The following VPS13B variants were observed in gnomAD, a reference collection of about 807,000 sequenced individuals.
VPS13B encodes the protein vacuolar protein sorting 13 homolog B, also known as intermembrane lipid transfer protein VPS13B.
A neutral mutation model predicts 426.4 loss-of-function variants in VPS13B; 285 were observed. The observed-to-expected ratio is 0.67, with a 90% CI of 0.61 to 0.74. The LOEUF (loss-of-function observed/expected upper bound fraction) is 0.74, where lower values mean the gene tolerates loss of function less well. Among genes scored for constraint, VPS13B ranks in the 30% least tolerant of loss-of-function variants. The pLI, the probability that VPS13B is intolerant of heterozygous loss-of-function variation, is 0.00. For missense variants in VPS13B, 4,537 were observed against 4,782.6 expected, an observed-to-expected ratio of 0.95 and a Z score of 1.51; for synonymous variants, 1,676 against 1,676.4, an observed-to-expected ratio of 1.00 and a Z score of 0.01.
intron 5 of VPS13B, among the ~76,000 whole-genome samples, chr8:99,110,160 TATAAA>T (rs1231046377): frequency 6.6e-6 from 1 of 152,110 alleles, no homozygotes; most frequent in Non-Finnish European, 1.5e-5. Flanking sequence ...TTTAAAAACT[TATAAA>T]ATAAAATGTT....
At chr8:99,026,933 G>A (rs1842171101) in intron 2 of VPS13B, among the ~76,000 whole-genome samples, 1 of 152,034 alleles carries the variant, frequency 6.6e-6, no homozygotes, top group Admixed American at 6.6e-5. Context: ...CTGGAGTGCA[G>A]CGGTGCAATC....
rs1817682547 is a variant in VPS13B at position 99,875,993 on chromosome 8, C to CAATG, written c.*329_*332dup. 2.8e-6 allele frequency: 1 copy of CAATG among 362,634 alleles called. No individual in the cohort carries two copies. The highest frequency in any genetic ancestry group is 4.2e-5 in the Admixed American group (1 of 23,560). 22.5% of individuals were successfully genotyped at this position (362,634 alleles called of 1,614,324 possible). A position where few individuals can be genotyped will look rare whatever the true frequency, so the allele number is the denominator to read the frequency against. On this transcript the variant is annotated 3_prime_UTR_variant, in exon 62 of 62. Coordinates refer to ENST00000357162, the MANE Select transcript of VPS13B (RefSeq NM_152564.5). ...AACGTGTTCCTTCCCCACTTAGAGACAATGATTAACAGGGCCCTATATGTT... is the reference window on the plus strand; with the variant it reads ...AACGTGTTCCTTCCCCACTTAGAGACAATGAATGATTAACAGGGCCCTATATGTT...
At chr8:99,299,225 C>T (rs1401808303) in intron 19 of VPS13B, among the ~76,000 whole-genome samples, 2 of 151,760 alleles carry the variant, frequency 1.3e-5, no homozygotes, top group Non-Finnish European at 2.9e-5. Context: ...CTACACCCGG[C>T]TAATTTTTTG....
At chr8:99,861,269 G>A (rs151112764) in intron 57 of VPS13B, among the ~76,000 whole-genome samples, 81 of 152,266 alleles carry the variant, frequency 5.3e-4, no homozygotes, top group Admixed American at 2.1e-3. Flanking sequence ...GTGGGCAAGT[G>A]TTCCTCTTTA....
chr8:99,809,692 CAAT>C (rs544692480), intron 44 of VPS13B, among the ~76,000 whole-genome samples, 162 bp downstream of exon 44: 19 of 152,302 alleles, frequency 1.2e-4, no homozygotes, highest in African/African-American at 4.1e-4. Context: ...ATGATCCTGA[CAAT>C]GATGATGGCT....
chr8:99,070,723 A>C (rs1379231104), intron 3 of VPS13B, among the ~76,000 whole-genome samples: 1 of 151,972 alleles, frequency 6.6e-6, no homozygotes, highest in African/African-American at 2.4e-5. Context: ...TATTGTTCAA[A>C]CTGTTACGTC....
chr8:99,823,774 G>A, intron 50 of VPS13B, 58 bp from the exon 51 acceptor site: 1 of 1,560,414 alleles, frequency 6.4e-7, no homozygotes, highest in Non-Finnish European at 8.8e-7. Flanking sequence ...GAATACTCAA[G>A]AGATTTTGAT....
chr8:99,063,775 G>A (rs1230722550), intron 3 of VPS13B, among the ~76,000 whole-genome samples: 1 of 152,178 alleles, frequency 6.6e-6, no homozygotes, highest in Non-Finnish European at 1.5e-5. Context: ...CCTCAAGTGG[G>A]TCCCTGACCC....
In VPS13B at chr8:99,871,832, A is replaced by G; in HGVS notation, c.11745+135A>G. ...TGGAGACCAAGGAGAGCTGCTACCC[A>G]GAGGAGGAAGTGTAGAGGCCGGAGG... On this transcript the variant is annotated intron_variant, in intron 61 of 61. Transcript: ENST00000357162. 9.9e-6 allele frequency: 15 copies of G among 1,517,040 alleles called. 1 individual carries two copies. The South Asian group carries it at 1.7e-4, about 17-fold the overall frequency. The allele number at this position is 1,517,040 out of a possible 1,614,324, so 94.0% of individuals were successfully genotyped here.
chr8:99,183,165 G>A (rs1813035997), intron 16 of VPS13B, among the ~76,000 whole-genome samples: 1 of 152,142 alleles, frequency 6.6e-6, no homozygotes, highest in Admixed American at 6.5e-5. Context: ...ACAAAGATAT[G>A]TCACATTTAC....
chr8:99,690,938 A>G (rs1831627299), intron 35 of VPS13B, among the ~76,000 whole-genome samples: 1 of 152,194 alleles, frequency 6.6e-6, no homozygotes. Context: ...ATTCATCATC[A>G]CCAAAAACTG....
intron 25 of VPS13B, among the ~76,000 whole-genome samples, chr8:99,487,882 TC>T (rs1322889493): frequency 6.6e-6 from 1 of 152,164 alleles, no homozygotes; most frequent in Non-Finnish European, 1.5e-5. Flanking sequence ...TACCCTTTTG[TC>T]TGTTGTGGAT....
intron 30 of VPS13B, among the ~76,000 whole-genome samples, chr8:99,534,457 A>G (rs1196325958): frequency 6.6e-6 from 1 of 152,182 alleles, no homozygotes; most frequent in Non-Finnish European, 1.5e-5. Flanking sequence ...CCATCATAAC[A>G]GTTTTGTGTT....
intron 35 of VPS13B, chr8:99,698,004 A>G (rs1471123941): frequency 5.0e-6 from 2 of 403,548 alleles, no homozygotes; most frequent in South Asian, 2.2e-5. Flanking sequence ...GAGGCCGCAG[A>G]GGTGAAGAGC....
intron 39 of VPS13B, 138 bp from the exon 40 acceptor site, chr8:99,766,636 A>G: frequency 1.4e-6 from 1 of 728,594 alleles, no homozygotes; most frequent in Non-Finnish European, 2.2e-6. Flanking sequence ...AGAAATCCTA[A>G]ACTACTGTCT....
intron 17 of VPS13B, among the ~76,000 whole-genome samples, chr8:99,262,963 T>C (rs1182072071): frequency 6.6e-6 from 1 of 152,026 alleles, no homozygotes; most frequent in Non-Finnish European, 1.5e-5. Context: ...TTTGTAGAGA[T>C]GGGGTCCCAT....
chr8:99,151,668 G>A (rs1811087792), intron 14 of VPS13B, among the ~76,000 whole-genome samples: 1 of 151,942 alleles, frequency 6.6e-6, no homozygotes, highest in African/African-American at 2.4e-5. Context: ...TGAGTATCTG[G>A]GATTACAAGC....
intron 22 of VPS13B, among the ~76,000 whole-genome samples, chr8:99,436,546 A>G (rs1245870528): frequency 1.3e-5 from 2 of 152,192 alleles, no homozygotes; most frequent in African/African-American, 4.8e-5. Flanking sequence ...CAAATAATAC[A>G]TCTTTATATA....
intron 39 of VPS13B, among the ~76,000 whole-genome samples, chr8:99,758,936 G>A (rs1273567227): frequency 6.6e-6 from 1 of 152,056 alleles, no homozygotes; most frequent in Non-Finnish European, 1.5e-5. Flanking sequence ...TTGTCTCAAG[G>A]CCAGGAGGAT....
Sources: gnomAD v4.1 joint callset for allele counts (sites outside exome capture counted in the v4.1 genomes callset) on GRCh38, gnomAD v4.1.1 for gene constraint, MANE v1.5 for transcripts, NCBI Gene and HGNC (gene_info 2026-07-23, HGNC 2026-07-21) for gene names.